The following KIF24 variants were observed in gnomAD, a reference collection of about 807,000 sequenced individuals.
The protein encoded by KIF24 is kinesin-like protein KIF24.
KIF24 carries 81 observed loss-of-function variants against 118.9 expected under a neutral mutation model. That is an observed-to-expected ratio of 0.68 (90% CI 0.57 to 0.82). The LOEUF is 0.82. Among genes scored for constraint, KIF24 ranks in the 40% least tolerant of loss-of-function variants. The probability of loss-of-function intolerance (pLI) is 0.00; values close to 1 mark genes in which losing one functional copy is unlikely to be tolerated. For synonymous variants in KIF24, 599 were observed against 610.0 expected, an observed-to-expected ratio of 0.98 and a Z score of 0.27; for missense variants, 1,560 against 1,661.6, an observed-to-expected ratio of 0.94 and a Z score of 1.06.
At chr9:34,328,474 C>A (rs1388231544) in intron 1 of KIF24, among the ~76,000 whole-genome samples, 1 of 152,154 alleles carries the variant, frequency 6.6e-6, no homozygotes, top group Non-Finnish European at 1.5e-5. Context: ...AAAAGTTTAG[C>A]CTTTCACAAA....
In KIF24 at chr9:34,306,281, C is replaced by T. The variant is rs374365344; in HGVS notation, c.784G>A (p.Ala262Thr). Residue 262 changes from alanine (A) to threonine (T), a missense_variant, in exon 3 of 13, where the codon GCA (alanine) becomes ACA (threonine). Transcript: ENST00000402558. ...ETLLVHEKKE[A>T]VDLTQYILQH... is the part of the protein sequence containing the mutation. ...AGAATATATTGAGTGAGGTCAACTG[C>T]TTCTTTCTTCTCATGCACAAGTAGA... 1.2e-4 allele frequency: 186 copies of T among 1,605,796 alleles called. No individual in the cohort carries two copies. Among genetic ancestry groups the T allele is most frequent in the Middle Eastern group, 8.3e-4 (5 of 6,060 alleles).
chr9:34,294,514 C>T (rs1479969411), intron 4 of KIF24, among the ~76,000 whole-genome samples: 4 of 151,138 alleles, frequency 2.6e-5, no homozygotes, highest in African/African-American at 9.7e-5. Context: ...CACCATTGCA[C>T]TCCAGCCTGG....
Position 34,272,011 on chromosome 9 carries a change from G to A in KIF24, c.1216-81C>T, listed in dbSNP as rs925573902. On this transcript the variant is annotated intron_variant, in intron 6 of 12. Coordinates refer to ENST00000402558, the MANE Select transcript of KIF24 (RefSeq NM_194313.4). ...TACTAAGAGTTGGCTAAGAGCAGTAGACAGCAGACATATAATTGTGTCAGT... is the reference window on the plus strand; with the variant it reads ...TACTAAGAGTTGGCTAAGAGCAGTAAACAGCAGACATATAATTGTGTCAGT... 52 of 1,302,428 alleles carry A rather than the reference G, an allele frequency of 4.0e-5. No individual in the cohort carries two copies. The South Asian group carries it at 5.2e-4, about 13-fold the overall frequency. 80.7% of individuals were successfully genotyped at this position (1,302,428 alleles called of 1,614,324 possible).
intron 3 of KIF24, among the ~76,000 whole-genome samples, chr9:34,305,587 ATTAT>A (rs1281308247): frequency 6.6e-6 from 1 of 151,896 alleles, no homozygotes; most frequent in East Asian, 1.9e-4. Flanking sequence ...CAACTACTTA[ATTAT>A]TTATTTGTTT....
Position 34,311,375 on chromosome 9 carries a change from A to G in KIF24, c.-25-4T>C. On this transcript the variant is annotated splice_polypyrimidine_tract_variant and splice_region_variant and intron_variant, in intron 1 of 12. Coordinates refer to ENST00000402558, the MANE Select transcript of KIF24 (RefSeq NM_194313.4). ...GGTGAATAGGTTTCTATAAACTCTGAAGAGAGAAAGAAAAGCCATTCGCTT... is the reference window on the plus strand; with the variant it reads ...GGTGAATAGGTTTCTATAAACTCTGGAGAGAGAAAGAAAAGCCATTCGCTT... 6.8e-7 allele frequency: 1 copy of G among 1,467,574 alleles called. No individual in the cohort carries two copies. The highest frequency in any genetic ancestry group is 9.1e-7 in the Non-Finnish European group (1 of 1,102,022). 90.9% of individuals were successfully genotyped at this position (1,467,574 alleles called of 1,614,324 possible).
chr9:34,271,720 A>G (rs1835515497), intron 7 of KIF24, 89 bp downstream of exon 7: 3 of 1,387,628 alleles, frequency 2.2e-6, no homozygotes, highest in Non-Finnish European at 2.0e-6. Flanking sequence ...ACTCCATGGT[A>G]GCAGGGTATC....
intron 3 of KIF24, 56 bp from the exon 4 acceptor site, chr9:34,297,170 C>T: frequency 9.6e-7 from 1 of 1,043,004 alleles, no homozygotes; most frequent in Non-Finnish European, 1.4e-6. Flanking sequence ...TTCTTAATCA[C>T]TATTCTAGTT....
chr9:34,262,851 AC>A (rs1480150994), intron 9 of KIF24, among the ~76,000 whole-genome samples: 1 of 150,788 alleles, frequency 6.6e-6, no homozygotes, highest in Non-Finnish European at 1.5e-5. Flanking sequence ...ACAGAGTAAG[AC>A]CCTGTCTCAA....
intron 6 of KIF24, among the ~76,000 whole-genome samples, chr9:34,277,199 A>C (rs1052026008): frequency 2.0e-5 from 3 of 152,228 alleles, no homozygotes; most frequent in Non-Finnish European, 2.9e-5. Flanking sequence ...TTAGAGTTTT[A>C]GATTTCTTAC....
chr9:34,325,548 C>T (rs1243456655), intron 1 of KIF24, among the ~76,000 whole-genome samples: 1 of 151,546 alleles, frequency 6.6e-6, no homozygotes, highest in African/African-American at 2.4e-5. Context: ...CAGAAATTAG[C>T]TGGGAATGTT....
Position 34,269,310 on chromosome 9 carries a change from A to T in KIF24, c.1390T>A (p.Ser464Thr), listed in dbSNP as rs1197671492. The part of the protein sequence containing the change: ...GSERAADARD[S>T]DRQTKMEGAE... ...CCTTCCATCTTTGTCTGTCTATCTG[A>T]GTCCCTTGCATCTGCTGCTCTTTCA... Residue 464 changes from serine (S) to threonine (T), a missense_variant, in exon 8 of 13, where the codon TCA (serine) becomes ACA (threonine). Transcript: ENST00000402558. The T allele has an allele frequency of 1.2e-6, 2 of 1,612,248 alleles. No homozygotes were observed. Among genetic ancestry groups the T allele is most frequent in the Admixed American group, 1.7e-5 (1 of 59,948 alleles).
At chr9:34,295,080 C>CTTGGCAT (rs1427570895) in intron 4 of KIF24, among the ~76,000 whole-genome samples, 2 of 152,166 alleles carry the variant, frequency 1.3e-5, no homozygotes, top group African/African-American at 4.8e-5. Context: ...TAGCAGGCTA[C>CTTGGCAT]TTGGCATTTT....
intron 1 of KIF24, among the ~76,000 whole-genome samples, chr9:34,322,834 C>T (rs370882953): frequency 1.3e-5 from 2 of 152,070 alleles, no homozygotes; most frequent in East Asian, 3.9e-4. Flanking sequence ...CCAGCCTGGG[C>T]AACAGAGTGA....
intron 5 of KIF24, among the ~76,000 whole-genome samples, chr9:34,288,851 CA>C (rs1836148281): frequency 5.9e-5 from 1 of 17,012 alleles, no homozygotes; most frequent in Non-Finnish European, 2.7e-4. Context: ...AAATAAACCA[CA>C]CACACACACA....
intron 5 of KIF24, among the ~76,000 whole-genome samples, chr9:34,289,779 T>C (rs555791808): frequency 2.2e-4 from 33 of 152,302 alleles, no homozygotes; most frequent in Admixed American, 2.6e-4. Flanking sequence ...TACCCTAAGA[T>C]TATTTAGAGG....
At chr9:34,302,162 T>A (rs980588734) in intron 3 of KIF24, among the ~76,000 whole-genome samples, 1 of 151,214 alleles carries the variant, frequency 6.6e-6, no homozygotes, top group Non-Finnish European at 1.5e-5. Context: ...GCCTGACTAA[T>A]TTTTTGTATT....
chr9:34,277,739 G>A (rs887377155), intron 6 of KIF24, among the ~76,000 whole-genome samples: 5 of 152,202 alleles, frequency 3.3e-5, no homozygotes, highest in African/African-American at 1.2e-4. Flanking sequence ...ACAGCTTGCT[G>A]TAGTCATGCC....
chr9:34,314,292 T>C (rs1262184791), intron 1 of KIF24, among the ~76,000 whole-genome samples: 2 of 152,028 alleles, frequency 1.3e-5, no homozygotes, highest in Admixed American at 6.6e-5. Flanking sequence ...GCCTCCCAAA[T>C]AGCTGGGAGT....
At chr9:34,300,226 G>A (rs529168362) in intron 3 of KIF24, among the ~76,000 whole-genome samples, 43 of 121,320 alleles carry the variant, frequency 3.5e-4, no homozygotes, top group African/African-American at 1.1e-3. Context: ...AACTTTTAGT[G>A]CTTTGAAAAA....
Sources: allele counts gnomAD v4.1 joint callset (sites outside exome capture counted in the v4.1 genomes callset), GRCh38; gene constraint gnomAD v4.1.1; transcripts MANE v1.5; gene names NCBI Gene and HGNC (gene_info 2026-07-23, HGNC 2026-07-21).